Variants in STXBP4 observed in about 807,000 individuals in gnomAD.
The protein encoded by STXBP4 is syntaxin binding protein 4, also known as syntaxin-binding protein 4.
A neutral mutation model predicts 76.1 loss-of-function variants in STXBP4; 55 were observed. The observed-to-expected ratio is 0.72, with a 90% CI of 0.58 to 0.91. The LOEUF is 0.91. Among genes scored for constraint, STXBP4 ranks in the 40% least tolerant of loss-of-function variants. The pLI is 0.00. For missense variants in STXBP4, 618 were observed against 636.9 expected, an observed-to-expected ratio of 0.97 and a Z score of 0.32; for synonymous variants, 201 against 220.2, an observed-to-expected ratio of 0.91 and a Z score of 0.77.
At chr17:55,006,446 T>C (rs2078009146) in intron 7 of STXBP4, among the ~76,000 whole-genome samples, 1 of 152,182 alleles carries the variant, frequency 6.6e-6, no homozygotes, top group African/African-American at 2.4e-5. Flanking sequence ...ACTAGTAAAA[T>C]ATCATTTAAA....
intron 16 of STXBP4, among the ~76,000 whole-genome samples, chr17:55,139,733 C>T (rs1407695442): frequency 6.6e-6 from 1 of 152,064 alleles, no homozygotes; most frequent in Admixed American, 6.6e-5. Flanking sequence ...TTGCTTAAGC[C>T]AGGCTCTAGG....
intron 3 of STXBP4, among the ~76,000 whole-genome samples, chr17:54,990,624 C>T (rs765294091): frequency 6.6e-6 from 1 of 152,012 alleles, no homozygotes; most frequent in African/African-American, 2.4e-5. Flanking sequence ...TGAATCATCC[C>T]GAAACCATCA....
chr17:55,033,171 C>A (rs2078538804), intron 9 of STXBP4, among the ~76,000 whole-genome samples: 1 of 152,026 alleles, frequency 6.6e-6, no homozygotes, highest in Non-Finnish European at 1.5e-5. Flanking sequence ...GTGAGGAGTT[C>A]AAGACCAGCC....
At chr17:55,011,773 G>A (rs1029843969) in intron 8 of STXBP4, among the ~76,000 whole-genome samples, 5 of 151,986 alleles carry the variant, frequency 3.3e-5, no homozygotes, top group Non-Finnish European at 7.4e-5. Context: ...AAGTGAATGT[G>A]GTCAGCTTCC....
chr17:55,131,342 G>C (rs561983214), intron 16 of STXBP4, among the ~76,000 whole-genome samples: 1 of 152,140 alleles, frequency 6.6e-6, no homozygotes, highest in East Asian at 1.9e-4. Context: ...GCTGGTATGG[G>C]GTACTCTTAG....
chr17:55,163,215 T>TG lies in STXBP4; in HGVS notation c.*3307dup, dbSNP rs1452486447. On this transcript the variant is annotated 3_prime_UTR_variant, in exon 18 of 18. Transcript: ENST00000376352. ...AGTCCAAATGTTCCTATAGATTTTC[T>TG]GGGTTTTTTTTTTTTTTTTGTCCTT... 6 of 115,482 alleles carry TG rather than the reference T, an allele frequency of 5.2e-5. No homozygotes were observed. Among genetic ancestry groups the TG allele is most frequent in the African/African-American group, 2.3e-4 (6 of 25,960 alleles). The allele number at this position is 115,482 out of a possible 1,614,324, so 7.2% of individuals were successfully genotyped here.
chr17:55,202,439 TTTAATTAAATGA>T, the STXBP4 span, among the ~76,000 whole-genome samples: 3 of 151,976 alleles, frequency 2.0e-5, no homozygotes, highest in African/African-American at 7.2e-5. Context: ...TTAAATGACA[TTTAATTAAATGA>T]CATTTAATTA....
At chr17:55,015,363 C>T (rs1200007541) in intron 8 of STXBP4, among the ~76,000 whole-genome samples, 1 of 152,196 alleles carries the variant, frequency 6.6e-6, no homozygotes, top group Non-Finnish European at 1.5e-5. Context: ...GTTCTCTTTC[C>T]TCTGTTGTCA....
At chr17:55,103,436 G>A (rs1367308876) in intron 16 of STXBP4, among the ~76,000 whole-genome samples, 1 of 152,058 alleles carries the variant, frequency 6.6e-6, no homozygotes, top group East Asian at 1.9e-4. Context: ...AAATCAGATG[G>A]TTGTAGTGTA....
chr17:55,135,118 A>T (rs1034212403), intron 16 of STXBP4, among the ~76,000 whole-genome samples: 2 of 152,118 alleles, frequency 1.3e-5, no homozygotes, highest in Non-Finnish European at 2.9e-5. Flanking sequence ...CTTCTCTTTT[A>T]TTGGTAACTG....
intron 16 of STXBP4, among the ~76,000 whole-genome samples, chr17:55,092,982 T>G (rs551219269): frequency 6.6e-6 from 1 of 151,492 alleles, no homozygotes; most frequent in Non-Finnish European, 1.5e-5. Flanking sequence ...TGTTTTTTGT[T>G]TTTTGTTTGT....
At chr17:55,107,097 TA>T (rs1339648753) in intron 16 of STXBP4, among the ~76,000 whole-genome samples, 1 of 152,190 alleles carries the variant, frequency 6.6e-6, no homozygotes, top group Non-Finnish European at 1.5e-5. Flanking sequence ...TTGGTCTTTT[TA>T]CATAGTCCCA....
In STXBP4 at chr17:55,000,874, T is replaced by A; in HGVS notation, c.565T>A (p.Ser189Thr). The change falls in exon 7 of 18, where the codon TCT becomes ACT. Residue 189 changes from serine to threonine, a missense_variant. Physicochemically the swap from Ser to Thr is moderately conservative, Grantham distance 58. Coordinates refer to ENST00000376352, the MANE Select transcript of STXBP4 (RefSeq NM_178509.6). ...TTCAGAAAACAGTACTGTGGGTTTG[T>A]CTAATACAGGTAAATACACATTTAA... ...ITSENSTVGL[S>T]NTDVASAWTE... 1 of 1,595,302 alleles carries A rather than the reference T, an allele frequency of 6.3e-7. No homozygotes were observed. The highest frequency in any genetic ancestry group is 8.6e-7 in the Non-Finnish European group (1 of 1,164,106).
intron 16 of STXBP4, among the ~76,000 whole-genome samples, chr17:55,119,453 T>C (rs73992623): frequency 0.018 from 2,687 of 152,102 alleles, 77 homozygotes; most frequent in African/African-American, 0.06. Flanking sequence ...GATTATTTTA[T>C]AACCATTCTT....
intron 16 of STXBP4, among the ~76,000 whole-genome samples, chr17:55,106,911 T>C (rs1165073215): frequency 6.6e-6 from 1 of 152,214 alleles, no homozygotes; most frequent in Non-Finnish European, 1.5e-5. Context: ...CAATTATGTG[T>C]CTTGGGGTTG....
Position 55,105,628 on chromosome 17 carries a change from C to T in STXBP4, c.1489+24445C>T, listed in dbSNP as rs574483144. 1.5e-3 allele frequency among the ~76,000 whole-genome samples: 218 copies of T among 150,034 alleles called. 7 individuals are homozygous for T. The South Asian group carries it at 0.044, about 31-fold the overall frequency. On this transcript the variant is annotated intron_variant, in intron 16 of 17. Coordinates refer to ENST00000376352, the MANE Select transcript of STXBP4 (RefSeq NM_178509.6). ...GGGACGACAGGCACCCGCCACCACA[C>T]CCAGCTAATATTTTTTTTTTTTTGT...
At chr17:54,978,607 A>G (rs2077504245) in intron 1 of STXBP4, among the ~76,000 whole-genome samples, 1 of 152,192 alleles carries the variant, frequency 6.6e-6, no homozygotes. Context: ...GTAAAATGAC[A>G]TTAAAGGAGA....
rs577287037 is a variant in STXBP4, at chr17:55,051,814, A to G, written c.1011+4660A>G. 2.9e-4 allele frequency among the ~76,000 whole-genome samples: 44 copies of G among 152,248 alleles called. 1 individual carries two copies. The highest frequency in any genetic ancestry group is 6.8e-3 in the Middle Eastern group (2 of 294). On this transcript the variant is annotated intron_variant, in intron 12 of 17. Coordinates refer to ENST00000376352, the MANE Select transcript of STXBP4 (RefSeq NM_178509.6). Reference sequence around the variant, plus strand: ...GGGATGGGCTTGAATTGGATGTATCATTGTGAATACATCATTTCTTTTATA... The same window carrying G: ...GGGATGGGCTTGAATTGGATGTATCGTTGTGAATACATCATTTCTTTTATA...
chr17:55,006,334 A>G (rs1406755262), intron 7 of STXBP4, among the ~76,000 whole-genome samples: 1 of 152,188 alleles, frequency 6.6e-6, no homozygotes, highest in Non-Finnish European at 1.5e-5. Flanking sequence ...ATCATTTTGT[A>G]CTTAGAGACA....
Sources: gnomAD v4.1 joint callset for allele counts (sites outside exome capture counted in the v4.1 genomes callset) on GRCh38, gnomAD v4.1.1 for gene constraint, MANE v1.5 for transcripts, NCBI Gene and HGNC (gene_info 2026-07-23, HGNC 2026-07-21) for gene names.